ADARB2: variants seen among roughly 807,000 people sequenced by gnomAD.
The protein encoded by ADARB2 is inactive double-stranded RNA-specific editase B2.
A neutral mutation model predicts 62.2 loss-of-function variants in ADARB2; 25 were observed. The observed-to-expected ratio is 0.40, with a 90% CI of 0.29 to 0.56. The LOEUF is 0.56. Among genes scored for constraint, ADARB2 ranks in the 20% least tolerant of loss-of-function variants. The pLI is 0.43. For missense variants in ADARB2, 1,071 were observed against 1,077.4 expected, an observed-to-expected ratio of 0.99 and a Z score of 0.08; for synonymous variants, 572 against 500.8, an observed-to-expected ratio of 1.14 and a Z score of -1.90.
chr10:1,568,906 A>G (rs1049752407), intron 1 of ADARB2, among the ~76,000 whole-genome samples: 1 of 152,166 alleles, frequency 6.6e-6, no homozygotes, highest in Non-Finnish European at 1.5e-5. Context: ...CTCTGTGGCT[A>G]GTTCAGTTCC....
Position 1,189,912 on chromosome 10 carries a change from C to T in ADARB2, c.1865-4873G>A, listed in dbSNP as rs1049823892. Among the ~76,000 whole-genome samples the T allele has an allele frequency of 2.1e-5, 3 of 145,622 alleles. No individual in the cohort carries two copies. The South Asian group carries it at 6.4e-4, about 31-fold the overall frequency. ...TGGCGCTACCTCCTTCCCCAGAACA[C>T]GTGGCGCTACCTCCTTCCCCCGAAC... On this transcript the variant is annotated intron_variant, in intron 8 of 9. Transcript: ENST00000381312.
At chr10:1,518,609 G>C (rs1832035606) in intron 1 of ADARB2, among the ~76,000 whole-genome samples, 1 of 152,066 alleles carries the variant, frequency 6.6e-6, no homozygotes, top group African/African-American at 2.4e-5. Context: ...TCTGCACATG[G>C]TATTGTCATA....
At chr10:1,396,457 C>T (rs1050388914) in intron 1 of ADARB2, among the ~76,000 whole-genome samples, 1 of 152,184 alleles carries the variant, frequency 6.6e-6, no homozygotes, top group Non-Finnish European at 1.5e-5. Context: ...CAAAAAGTTG[C>T]CAGGCACGTG....
intron 2 of ADARB2, among the ~76,000 whole-genome samples, chr10:1,369,107 C>CT (rs1391275450): frequency 3.9e-5 from 6 of 152,184 alleles, no homozygotes; most frequent in Non-Finnish European, 8.8e-5. Flanking sequence ...TACAAATTAA[C>CT]TTTTTTTCCT....
At chr10:1,409,152 G>T (rs1411608237) in intron 1 of ADARB2, among the ~76,000 whole-genome samples, 2 of 151,112 alleles carry the variant, frequency 1.3e-5, no homozygotes, top group African/African-American at 4.9e-5. Flanking sequence ...CGGAGCCCCC[G>T]CATCCAGCCC....
intron 1 of ADARB2, among the ~76,000 whole-genome samples, chr10:1,709,041 A>C (rs796172981): frequency 1.3e-5 from 2 of 152,248 alleles, no homozygotes; most frequent in African/African-American, 4.8e-5. Context: ...GGTCCTGAGA[A>C]ACCTTCTCAG....
chr10:1,498,822 C>T (rs1831724430), intron 1 of ADARB2, among the ~76,000 whole-genome samples: 1 of 152,148 alleles, frequency 6.6e-6, no homozygotes, highest in Admixed American at 6.5e-5. Flanking sequence ...ATTCATTATT[C>T]ACTCATCACT....
rs1396485788 is a variant in ADARB2, at chr10:1,426,023, G to A, written c.101-46863C>T. ...ATGCGGAAACAGGTTCTTTCAGGAGGTTAGAGTTTCCTTCCTCGACTCAAG... is the reference window on the plus strand; with the variant it reads ...ATGCGGAAACAGGTTCTTTCAGGAGATTAGAGTTTCCTTCCTCGACTCAAG... On this transcript the variant is annotated intron_variant, in intron 1 of 9. Coordinates refer to ENST00000381312, the MANE Select transcript of ADARB2 (RefSeq NM_018702.4). The surrounding 1 kb of genome is among the most constrained non-coding windows in gnomAD (Gnocchi z 4.1). 6.6e-6 allele frequency among the ~76,000 whole-genome samples: 1 copy of A among 152,144 alleles called. No homozygotes were observed. The highest frequency in any genetic ancestry group is 1.5e-5 in the Non-Finnish European group (1 of 68,026).
intron 1 of ADARB2, among the ~76,000 whole-genome samples, chr10:1,518,050 T>G (rs772284941): frequency 2.0e-5 from 3 of 152,094 alleles, no homozygotes; most frequent in Non-Finnish European, 4.4e-5. Flanking sequence ...TAAAAAGAAT[T>G]TAAGCATAGA....
chr10:1,299,214 C>T (rs187803871), intron 3 of ADARB2, among the ~76,000 whole-genome samples: 110 of 152,012 alleles, frequency 7.2e-4, no homozygotes, highest in African/African-American at 2.5e-3. Context: ...ACGAAGGGGC[C>T]CCAGATGGGG....
intron 2 of ADARB2, among the ~76,000 whole-genome samples, chr10:1,372,293 G>C (rs4880837): frequency 0.026 from 3,671 of 142,202 alleles, 101 homozygotes; most frequent in East Asian, 0.12. Context: ...GAAAACAACA[G>C]ACACTGAGGA....
chr10:1,309,917 C>G (rs577719040), intron 3 of ADARB2, among the ~76,000 whole-genome samples: 1 of 152,266 alleles, frequency 6.6e-6, no homozygotes, highest in Admixed American at 6.5e-5. Context: ...CCTGCGGGCA[C>G]ACCTGGGGCC....
chr10:1,218,117 C>G (rs1041398412), intron 6 of ADARB2, among the ~76,000 whole-genome samples: 2 of 152,224 alleles, frequency 1.3e-5, no homozygotes, highest in Non-Finnish European at 2.9e-5. Context: ...GTGGCGCAAT[C>G]TCAGCTCACT....
intron 1 of ADARB2, among the ~76,000 whole-genome samples, chr10:1,707,230 G>A (rs1297688614): frequency 6.6e-6 from 1 of 152,236 alleles, no homozygotes; most frequent in Non-Finnish European, 1.5e-5. Context: ...CCCAGGACCT[G>A]CCCATAGGCG....
chr10:1,268,234 G>A (rs1831225377), intron 4 of ADARB2, among the ~76,000 whole-genome samples: 1 of 152,166 alleles, frequency 6.6e-6, no homozygotes, highest in South Asian at 2.1e-4. Flanking sequence ...AAAAAAATTT[G>A]AAATGGTTAG....
intron 1 of ADARB2, among the ~76,000 whole-genome samples, chr10:1,462,592 T>C (rs777784155): frequency 6.6e-6 from 1 of 151,810 alleles, no homozygotes; most frequent in African/African-American, 2.4e-5. Flanking sequence ...TGTACATGAG[T>C]GTATGTGCAT....
intron 3 of ADARB2, among the ~76,000 whole-genome samples, chr10:1,316,398 G>A (rs1451176819): frequency 6.6e-6 from 1 of 152,230 alleles, no homozygotes; most frequent in African/African-American, 2.4e-5. Flanking sequence ...CTTGCCTTGT[G>A]GGGTTGCTGC....
chr10:1,200,343 C>A (rs1183357876), intron 7 of ADARB2, 196 bp from the exon 8 acceptor site: 4 of 698,374 alleles, frequency 5.7e-6, no homozygotes, highest in Admixed American at 2.2e-5. Context: ...TGGGACTGGG[C>A]TCCACAGGCC....
chr10:1,441,647 AT>A (rs2131895929), intron 1 of ADARB2, among the ~76,000 whole-genome samples: 1 of 152,324 alleles, frequency 6.6e-6, no homozygotes, highest in Non-Finnish European at 1.5e-5. Flanking sequence ...CTCATGACAT[AT>A]TTGTCTTTTT....
Sources: gnomAD v4.1 joint callset for allele counts (sites outside exome capture counted in the v4.1 genomes callset) on GRCh38, gnomAD v4.1.1 for gene constraint, Gnocchi (gnomAD v3.1) non-coding constraint, MANE v1.5 for transcripts, NCBI Gene and HGNC (gene_info 2026-07-23, HGNC 2026-07-21) for gene names.